The following ZNF622 variants were observed in gnomAD, a reference collection of about 807,000 sequenced individuals.
The protein encoded by ZNF622 is zinc finger protein 622, also known as cytoplasmic 60S subunit biogenesis factor ZNF622.
ZNF622 carries 34 observed loss-of-function variants against 49.7 expected under a neutral mutation model. The observed-to-expected ratio is 0.68, with a 90% CI of 0.52 to 0.91. The LOEUF is 0.91. ZNF622 is among the 40% of genes least tolerant of loss of function. ZNF622 has a pLI of 0.00. For synonymous variants in ZNF622, 209 were observed against 228.7 expected (o/e 0.91, Z 0.78); for missense variants, 569 against 616.4 (o/e 0.92, Z 0.81).
intron 3 of ZNF622, 67 bp from the exon 4 acceptor site, chr5:16,458,696 A>C: frequency 2.0e-5 from 24 of 1,210,250 alleles, no homozygotes; most frequent in South Asian, 4.3e-5. Flanking sequence ...ACATAAACTC[A>C]TTTGCAAATG....
chr5:16,455,684 G>T (rs141635370), intron 4 of ZNF622, among the ~76,000 whole-genome samples: 1 of 152,302 alleles, frequency 6.6e-6, no homozygotes, highest in Non-Finnish European at 1.5e-5. Context: ...GACGCTCCAG[G>T]TTTGCAAGGT....
chr5:16,458,093 A>G (rs1156748237), intron 4 of ZNF622, among the ~76,000 whole-genome samples: 1 of 152,146 alleles, frequency 6.6e-6, no homozygotes, highest in Non-Finnish European at 1.5e-5. Flanking sequence ...TTCCACCATG[A>G]GTCAGATACA....
At position 16,465,224 on chromosome 5, in the gene ZNF622, G is replaced by A; in HGVS notation, c.442C>T (p.Pro148Ser). 6.2e-7 allele frequency: 1 copy of A among 1,614,180 alleles called. No homozygotes were observed. The highest frequency in any genetic ancestry group is 1.3e-5 in the African/African-American group (1 of 75,042). The change falls in exon 1 of 6, where the codon CCC becomes TCC. Residue 148 changes from proline (P) to serine (S), a missense_variant. By Grantham distance (74) the Pro-to-Ser change is moderately conservative. Coordinates refer to ENST00000308683, the MANE Select transcript of ZNF622 (RefSeq NM_033414.3). This position sits in a 1 kb window ranked among gnomAD's most constrained non-coding sequence, Gnocchi z 6.2. Reference protein sequence around the residue: ...AQPSMSPKKAPPAPAKEARNV... With the variant: ...AQPSMSPKKASPAPAKEARNV... ...CTGGCCTCCTTTGCAGGCGCTGGGG[G>A]CGCCTTCTTGGGAGACATGGACGGC...
chr5:16,453,180 G>A, intron 4 of ZNF622, 24 bp from the exon 5 acceptor site: 1 of 1,456,602 alleles, frequency 6.9e-7, no homozygotes, highest in Non-Finnish European at 9.2e-7. Context: ...GAGCAATACT[G>A]AAACACTGAG....
chr5:16,463,872 CCT>C lies in ZNF622; in HGVS notation c.626-132_626-131del. On this transcript the variant is annotated intron_variant, in intron 1 of 5. Transcript: ENST00000308683. This position sits in a 1 kb window ranked among gnomAD's most constrained non-coding sequence, Gnocchi z 4.2. ...CACACCCCAACTCCCAAGGACAACT[CCT>C]CTTTCAAGATCTCAATTTTAGCTAT... 1.0e-6 allele frequency: 1 copy of C among 952,502 alleles called. No homozygotes were observed. The highest frequency in any genetic ancestry group is 1.6e-5 in the South Asian group (1 of 61,976). The allele number at this position is 952,502 out of a possible 1,614,324, so 59.0% of individuals were successfully genotyped here. A position where few individuals can be genotyped will look rare whatever the true frequency, so the allele number is the denominator to read the frequency against.
chr5:16,462,501 A>C (rs1474761836), intron 3 of ZNF622, among the ~76,000 whole-genome samples: 2 of 152,066 alleles, frequency 1.3e-5, no homozygotes, highest in African/African-American at 4.8e-5. Context: ...ATCTCTACAA[A>C]AAGTACAAAA....
rs991552298 is a variant in ZNF622, at chr5:16,465,092, T to G, written c.574A>C (p.Lys192Gln). Reference protein sequence around the residue: ...WFEQQAKKLAKQQEEDSEEEE... With the variant: ...WFEQQAKKLAQQQEEDSEEEE... ...TCCTCGCTGTCCTCCTCCTGCTGCT[T>G]TGCCAACTTCTTCGCCTGCTGTTCA... is the stretch of plus-strand genomic sequence containing the variant. The change falls in exon 1 of 6, where the codon AAG (lysine) becomes CAG (glutamine). Residue 192 changes from lysine to glutamine, a missense_variant. Lys to Gln is a moderately conservative substitution (Grantham distance 53). Coordinates refer to ENST00000308683, the MANE Select transcript of ZNF622 (RefSeq NM_033414.3). The surrounding 1 kb of genome is among the most constrained non-coding windows in gnomAD (Gnocchi z 6.2). The G allele has an allele frequency of 1.3e-5, 21 of 1,611,858 alleles. No individual in the cohort carries two copies. The highest frequency in any genetic ancestry group is 3.3e-5 in the South Asian group (3 of 90,922).
Position 16,453,007 on chromosome 5 carries a change from A to G in ZNF622, c.1306+6T>C. On this transcript the variant is annotated splice_donor_region_variant and intron_variant, in intron 5 of 5. Transcript: ENST00000308683. ...GACTGGTCTGTAGTTGTAAAGATCA[A>G]TGTACCTGTGCTGCCAGTCCATCCC... is the stretch of plus-strand genomic sequence containing the variant. The G allele has an allele frequency of 6.9e-7, 1 of 1,452,008 alleles. No individual in the cohort carries two copies. Among genetic ancestry groups the G allele is most frequent in the Admixed American group, 2.4e-5 (1 of 41,210 alleles). 89.9% of individuals were successfully genotyped at this position (1,452,008 alleles called of 1,614,324 possible).
At chr5:16,459,624 A>T (rs1457940071) in intron 3 of ZNF622, among the ~76,000 whole-genome samples, 2 of 152,210 alleles carry the variant, frequency 1.3e-5, no homozygotes, top group Non-Finnish European at 2.9e-5. Context: ...ATAGCCCCAA[A>T]TTAGAAACCA....
Position 16,463,612 on chromosome 5 carries a change from C to T in ZNF622, c.756G>A (p.Thr252=), listed in dbSNP as rs1413828165. The T allele has an allele frequency of 1.9e-6, 3 of 1,614,070 alleles. No homozygotes were observed. Among genetic ancestry groups the T allele is most frequent in the South Asian group, 1.1e-5 (1 of 91,088 alleles). ...AATGATGGGAACAAAATAAGCAGTCCGTGATAGGGATGGCACCAAGGGGTG... is the reference window on the plus strand; with the variant it reads ...AATGATGGGAACAAAATAAGCAGTCTGTGATAGGGATGGCACCAAGGGGTG... ...EGPPLGAIPI[T]DCLFCSHHSS... The change falls in exon 2 of 6, where the codon ACG becomes ACA. Residue 252 remains threonine (T), a synonymous_variant. Coordinates refer to ENST00000308683, the MANE Select transcript of ZNF622 (RefSeq NM_033414.3). This position sits in a 1 kb window ranked among gnomAD's most constrained non-coding sequence, Gnocchi z 4.2.
At chr5:16,453,539 TATATATAAATAAATAAAA>T (rs1185955078) in intron 4 of ZNF622, among the ~76,000 whole-genome samples, 1 of 140,160 alleles carries the variant, frequency 7.1e-6, no homozygotes, top group Admixed American at 7.5e-5. Flanking sequence ...TAGCGTTTTA[TATATATAAATAAATAAAA>T]ATTATATATA....
chr5:16,464,803 C>T (rs546159134), intron 1 of ZNF622, among the ~76,000 whole-genome samples: 232 of 152,322 alleles, frequency 1.5e-3, no homozygotes, highest in Middle Eastern at 3.4e-3. Flanking sequence ...TCCAAATATG[C>T]ATTAAGCACT....
intron 4 of ZNF622, among the ~76,000 whole-genome samples, chr5:16,458,162 A>C (rs77795972): frequency 0.012 from 1,831 of 152,262 alleles, 15 homozygotes; most frequent in Non-Finnish European, 0.02. Flanking sequence ...AATCAGTTCA[A>C]AGAATAACAG....
At chr5:16,456,100 CT>C (rs200122484) in intron 4 of ZNF622, among the ~76,000 whole-genome samples, 1,817 of 152,128 alleles carry the variant, frequency 0.012, 16 homozygotes, top group Non-Finnish European at 0.02. Context: ...TCCTTTTTTT[CT>C]TTTTTTGTTT....
chr5:16,452,924 T>C lies in ZNF622; in HGVS notation c.1306+89A>G, dbSNP rs1257204872. 7 of 1,290,202 alleles carry C rather than the reference T, an allele frequency of 5.4e-6. No individual in the cohort carries two copies. The African/African-American group carries it at 9.1e-5, about 17-fold the overall frequency. The allele number at this position is 1,290,202 out of a possible 1,614,324, so 79.9% of individuals were successfully genotyped here. On this transcript the variant is annotated intron_variant, in intron 5 of 5. Coordinates refer to ENST00000308683, the MANE Select transcript of ZNF622 (RefSeq NM_033414.3). ...ACGTTTCCCCTAGAGAGAATCCACA[T>C]GGACAACATAAATGGAAACAACTTT...
At chr5:16,455,157 T>G (rs26020) in intron 4 of ZNF622, among the ~76,000 whole-genome samples, 2 of 152,050 alleles carry the variant, frequency 1.3e-5, no homozygotes, top group African/African-American at 4.8e-5. Flanking sequence ...TAAAGGATAG[T>G]TGGCTAGGTA....
At chr5:16,458,481 G>A in intron 4 of ZNF622, 36 bp downstream of exon 4, 1 of 1,399,304 alleles carries the variant, frequency 7.1e-7, no homozygotes, top group Non-Finnish European at 1.0e-6. Flanking sequence ...CAATCCCACT[G>A]GCATTAAGCT....
intron 4 of ZNF622, among the ~76,000 whole-genome samples, chr5:16,456,641 C>A (rs1579563165): frequency 1.3e-5 from 2 of 152,148 alleles, no homozygotes; most frequent in African/African-American, 4.8e-5. Flanking sequence ...CATGTAAACA[C>A]CCAGAGGAAG....
At chr5:16,458,690 A>G in intron 3 of ZNF622, 61 bp from the exon 4 acceptor site, 1 of 1,276,702 alleles carries the variant, frequency 7.8e-7, no homozygotes, top group Non-Finnish European at 1.1e-6. Context: ...TAAAAGACAT[A>G]AACTCATTTG....
Sources: gnomAD v4.1 joint callset for allele counts (sites outside exome capture counted in the v4.1 genomes callset) on GRCh38, gnomAD v4.1.1 for gene constraint, Gnocchi (gnomAD v3.1) non-coding constraint, MANE v1.5 for transcripts, NCBI Gene and HGNC (gene_info 2026-07-23, HGNC 2026-07-21) for gene names.